The following METTL25 variants were observed in gnomAD, a reference collection of about 807,000 sequenced individuals.
METTL25 encodes methyltransferase like 25, also known as probable methyltransferase-like protein 25.
METTL25 carries 64 observed loss-of-function variants against 71.6 expected under a neutral mutation model. The observed-to-expected ratio is 0.89, with a 90% CI of 0.73 to 1.10. The LOEUF (loss-of-function observed/expected upper bound fraction) is 1.10, where lower values mean the gene tolerates loss of function less well. METTL25 is among the 50% of genes least tolerant of loss of function. METTL25 has a pLI of 0.00. For missense variants in METTL25, 807 were observed against 707.0 expected (o/e 1.14, Z -1.60); for synonymous variants, 287 against 250.3 (o/e 1.15, Z -1.38).
chr12:82,478,880 AT>A (rs937921853), intron 11 of METTL25, 51 bp from the exon 12 acceptor site: 45 of 1,443,848 alleles, frequency 3.1e-5, no homozygotes, highest in Middle Eastern at 1.8e-4. Context: ...CTCGCGTCTA[AT>A]TTTTTTCTTC....
At chr12:82,369,875 T>C (rs1883020705) in intron 1 of METTL25, among the ~76,000 whole-genome samples, 2 of 152,208 alleles carry the variant, frequency 1.3e-5, no homozygotes, top group Non-Finnish European at 2.9e-5. Context: ...TACAATCCTT[T>C]AGCTAGATAC....
At chr12:82,474,336 C>T (rs1592785614) in intron 9 of METTL25, among the ~76,000 whole-genome samples, 1 of 152,350 alleles carries the variant, frequency 6.6e-6, no homozygotes, top group East Asian at 1.9e-4. Context: ...ACAGGTGCAT[C>T]TGCACTTCCC....
At chr12:82,396,008 A>G (rs900390532) in intron 3 of METTL25, among the ~76,000 whole-genome samples, 1 of 152,138 alleles carries the variant, frequency 6.6e-6, no homozygotes, top group African/African-American at 2.4e-5. Flanking sequence ...AACAGACCAC[A>G]TATAAGATGG....
intron 1 of METTL25, among the ~76,000 whole-genome samples, chr12:82,369,125 T>C (rs1882914323): frequency 6.6e-6 from 1 of 152,224 alleles, no homozygotes; most frequent in South Asian, 2.1e-4. Flanking sequence ...CTCCCATCTA[T>C]ATAATAAATA....
chr12:82,418,480 A>T (rs1309340485), intron 5 of METTL25, among the ~76,000 whole-genome samples: 2 of 152,096 alleles, frequency 1.3e-5, no homozygotes, highest in African/African-American at 4.8e-5. Context: ...TGAAATACCC[A>T]CTTTAAAAAA....
intron 1 of METTL25, among the ~76,000 whole-genome samples, chr12:82,364,040 C>G (rs1279834361): frequency 1.3e-5 from 2 of 152,108 alleles, no homozygotes; most frequent in Non-Finnish European, 2.9e-5. Flanking sequence ...ACACACTTAC[C>G]GACACACAAT....
intron 5 of METTL25, among the ~76,000 whole-genome samples, chr12:82,416,446 GTT>G (rs5799585): frequency 7.3e-6 from 1 of 136,790 alleles, no homozygotes; most frequent in African/African-American, 2.7e-5. Context: ...TATCATTTAG[GTT>G]TTTTTTTTTT....
chr12:82,399,890 A>G (rs1420542873), intron 4 of METTL25, among the ~76,000 whole-genome samples: 2 of 151,182 alleles, frequency 1.3e-5, no homozygotes, highest in African/African-American at 2.4e-5. Context: ...GCAATGTTGC[A>G]TGTTGAAACA....
chr12:82,446,484 T>G (rs760376491), intron 8 of METTL25, among the ~76,000 whole-genome samples: 36 of 124,296 alleles, frequency 2.9e-4, no homozygotes, highest in Admixed American at 8.7e-4. Flanking sequence ...CTGACTACAA[T>G]GGAATAAACC....
chr12:82,440,883 A>C (rs79772223), intron 8 of METTL25, among the ~76,000 whole-genome samples: 2,815 of 152,128 alleles, frequency 0.019, 84 homozygotes, highest in African/African-American at 0.064. Flanking sequence ...AAAATCAAAG[A>C]GGAAATGGGA....
intron 2 of METTL25, among the ~76,000 whole-genome samples, chr12:82,387,501 TA>T (rs955168288): frequency 3.2e-4 from 47 of 147,132 alleles, no homozygotes; most frequent in South Asian, 2.1e-3. Context: ...AGGCTGTGGT[TA>T]AAAAAAAAAA....
intron 8 of METTL25, among the ~76,000 whole-genome samples, chr12:82,447,213 T>C (rs1183435878): frequency 6.6e-6 from 1 of 152,078 alleles, no homozygotes; most frequent in Non-Finnish European, 1.5e-5. Flanking sequence ...AAAATATATA[T>C]ACATGCCTCA....
intron 5 of METTL25, among the ~76,000 whole-genome samples, chr12:82,422,272 T>C (rs1191509752): frequency 6.6e-6 from 1 of 152,110 alleles, no homozygotes; most frequent in African/African-American, 2.4e-5. Flanking sequence ...TAATCCGGCA[T>C]ATAAACAGAA....
intron 5 of METTL25, among the ~76,000 whole-genome samples, chr12:82,409,966 C>G (rs1887424189): frequency 6.7e-6 from 1 of 149,216 alleles, no homozygotes; most frequent in Admixed American, 6.7e-5. Context: ...GTTGTATCAT[C>G]TCTGGAAATT....
At chr12:82,450,377 A>T (rs756346512) in intron 8 of METTL25, among the ~76,000 whole-genome samples, 1 of 151,928 alleles carries the variant, frequency 6.6e-6, no homozygotes, top group Non-Finnish European at 1.5e-5. Flanking sequence ...GCAACTTTAT[A>T]ACCTCTCCCT....
chr12:82,442,617 C>A (rs1321753943), intron 8 of METTL25, among the ~76,000 whole-genome samples: 2 of 152,048 alleles, frequency 1.3e-5, no homozygotes, highest in Non-Finnish European at 1.5e-5. Context: ...AAAACAGCAA[C>A]ATGAGTGATC....
At chr12:82,445,609 A>G (rs1404918481) in intron 8 of METTL25, among the ~76,000 whole-genome samples, 1 of 152,182 alleles carries the variant, frequency 6.6e-6, no homozygotes, top group Admixed American at 6.6e-5. Context: ...GGGCAGTACC[A>G]TAAACCTTGA....
At chr12:82,478,870 C>A in intron 11 of METTL25, 62 bp from the exon 12 acceptor site, 1 of 1,269,514 alleles carries the variant, frequency 7.9e-7, no homozygotes. Flanking sequence ...TATAATCCAA[C>A]TCGCGTCTAA....
At chr12:82,448,985 AC>A (rs1463474095) in intron 8 of METTL25, among the ~76,000 whole-genome samples, 1 of 152,148 alleles carries the variant, frequency 6.6e-6, no homozygotes, top group African/African-American at 2.4e-5. Flanking sequence ...CCTCTGCTTC[AC>A]CTTTCTCTAA....
Sources: allele counts gnomAD v4.1 joint callset (sites outside exome capture counted in the v4.1 genomes callset), GRCh38; gene constraint gnomAD v4.1.1; transcripts MANE v1.5; gene names NCBI Gene and HGNC (gene_info 2026-07-23, HGNC 2026-07-21).